The following ANKFN1 variants were observed in gnomAD, a reference collection of about 807,000 sequenced individuals.
The protein encoded by ANKFN1 is ankyrin repeat and fibronectin type-III domain-containing protein 1.
A neutral mutation model predicts 108.7 loss-of-function variants in ANKFN1; 74 were observed. The ratio of observed to expected loss-of-function variants is 0.68; its 90% CI spans 0.56 to 0.83. The LOEUF is 0.83. Among genes scored for constraint, ANKFN1 ranks in the 40% least tolerant of loss-of-function variants. The probability of loss-of-function intolerance (pLI) is 0.00; values close to 1 mark genes in which losing one functional copy is unlikely to be tolerated. For synonymous variants in ANKFN1, 547 were observed against 516.2 expected (o/e 1.06, Z -0.81); for missense variants, 1,505 against 1,382.3 (o/e 1.09, Z -1.41).
At chr17:56,079,604 ACATTGT>A (rs1395586798) in intron 4 of ANKFN1, among the ~76,000 whole-genome samples, 4 of 152,368 alleles carry the variant, frequency 2.6e-5, no homozygotes, top group Non-Finnish European at 5.9e-5. Flanking sequence ...TGTAGATTAG[ACATTGT>A]CTAAGACTCT....
At chr17:56,449,246 A>C (rs1267911916) in intron 11 of ANKFN1, 60 bp downstream of exon 11, 1 of 1,344,002 alleles carries the variant, frequency 7.4e-7, no homozygotes. Context: ...CGGTAATTTT[A>C]GCAGTTTCCT....
At chr17:56,414,656 A>T (rs953821334) in intron 8 of ANKFN1, among the ~76,000 whole-genome samples, 1 of 152,224 alleles carries the variant, frequency 6.6e-6, no homozygotes, top group Non-Finnish European at 1.5e-5. Flanking sequence ...AGAATGAACG[A>T]CAAAAATCAT....
chr17:56,049,408 T>C (rs536283600), intron 4 of ANKFN1, among the ~76,000 whole-genome samples: 3 of 152,010 alleles, frequency 2.0e-5, no homozygotes, highest in Non-Finnish European at 4.4e-5. Context: ...TTTTTTATTA[T>C]ACTTTAAGTT....
At chr17:56,510,171 C>T (rs1202004269) in intron 20 of ANKFN1, among the ~76,000 whole-genome samples, 4 of 152,200 alleles carry the variant, frequency 2.6e-5, no homozygotes, top group African/African-American at 2.4e-5. Context: ...ATAATAAAAG[C>T]GTGTGTGGGA....
chr17:56,349,213 A>T (rs562375354), intron 4 of ANKFN1, among the ~76,000 whole-genome samples: 10 of 152,098 alleles, frequency 6.6e-5, no homozygotes, highest in Non-Finnish European at 1.2e-4. Context: ...AACAACACAT[A>T]CTGGGTCCTG....
intron 4 of ANKFN1, among the ~76,000 whole-genome samples, chr17:56,079,190 A>G (rs1464803062): frequency 6.6e-6 from 1 of 152,228 alleles, no homozygotes; most frequent in Non-Finnish European, 1.5e-5. Flanking sequence ...GCCCCCGAGG[A>G]GGCCTTTCAT....
intron 4 of ANKFN1, among the ~76,000 whole-genome samples, chr17:56,077,690 C>T (rs181937616): frequency 3.3e-5 from 5 of 152,294 alleles, no homozygotes; most frequent in East Asian, 1.9e-4. Context: ...TTCCTTTCAA[C>T]GTATGCCTTG....
At chr17:56,248,248 C>G (rs1317420565) in intron 3 of ANKFN1, among the ~76,000 whole-genome samples, 1 of 152,144 alleles carries the variant, frequency 6.6e-6, no homozygotes, top group Non-Finnish European at 1.5e-5. Context: ...CCCTTAGAGG[C>G]TCACCTCATG....
chr17:56,093,911 T>C (rs1357834925), intron 4 of ANKFN1, among the ~76,000 whole-genome samples: 1 of 151,308 alleles, frequency 6.6e-6, no homozygotes, highest in Non-Finnish European at 1.5e-5. Context: ...TGTAACCTTA[T>C]TTGGACATTA....
intron 18 of ANKFN1, 112 bp from the exon 19 acceptor site, chr17:56,492,075 C>T: frequency 1.6e-6 from 1 of 622,314 alleles, no homozygotes; most frequent in South Asian, 1.9e-5. Context: ...ATATTTTCCA[C>T]TGATAGGATT....
chr17:56,458,388 A>G (rs1335563534), intron 14 of ANKFN1, among the ~76,000 whole-genome samples: 2 of 152,112 alleles, frequency 1.3e-5, no homozygotes, highest in Non-Finnish European at 2.9e-5. Flanking sequence ...TAATGAGTAT[A>G]TGAAGATGGA....
chr17:56,290,365 A>G (rs1361372119), intron 3 of ANKFN1, among the ~76,000 whole-genome samples: 2 of 152,318 alleles, frequency 1.3e-5, no homozygotes, highest in South Asian at 4.1e-4. Context: ...TCCAGCTATG[A>G]AATAAGAATA....
At chr17:56,189,545 G>C (rs934388701) in intron 1 of ANKFN1, among the ~76,000 whole-genome samples, 1 of 152,184 alleles carries the variant, frequency 6.6e-6, no homozygotes, top group Non-Finnish European at 1.5e-5. Context: ...TCACTTTATA[G>C]CCAGTTGGTC....
chr17:56,503,147 T>C (rs201059825), intron 20 of ANKFN1, among the ~76,000 whole-genome samples: 1 of 141,792 alleles, frequency 7.1e-6, no homozygotes, highest in African/African-American at 2.6e-5. Flanking sequence ...TTTTTTTTTT[T>C]CCAATACTGC....
At chr17:56,415,027 GA>G (rs200299207) in intron 8 of ANKFN1, among the ~76,000 whole-genome samples, 8 of 148,156 alleles carry the variant, frequency 5.4e-5, no homozygotes, top group African/African-American at 1.2e-4. Context: ...CTCAAAAAAA[GA>G]AAAAAAAACC....
At position 56,279,699 on chromosome 17, in the gene ANKFN1, A is replaced by T. The variant is rs1004713955; in HGVS notation, c.54-46522A>T. On this transcript the variant is annotated intron_variant, in intron 3 of 20. Coordinates refer to ENST00000682825, the MANE Select transcript of ANKFN1 (RefSeq NM_001370326.1). The stretch of plus-strand genomic sequence containing the variant: ...CATTGTCTGCTGGCAGAAAAGTGAC[A>T]ACTATTAGGCTTGGGTTGGAAGCTG... Among the ~76,000 whole-genome samples, 9 of 152,318 alleles carry T rather than the reference A, an allele frequency of 5.9e-5. No individual in the cohort carries two copies. In the East Asian group the frequency reaches 1.7e-3, roughly 29 times the overall value.
chr17:56,470,290 T>C (rs147798177), intron 15 of ANKFN1, among the ~76,000 whole-genome samples: 1,553 of 152,344 alleles, frequency 0.01, 13 homozygotes, highest in Non-Finnish European at 0.018. Context: ...TTATATTCTT[T>C]TGGGTATATA....
intron 3 of ANKFN1, among the ~76,000 whole-genome samples, chr17:56,282,051 T>C (rs1335874436): frequency 6.6e-6 from 1 of 152,196 alleles, no homozygotes; most frequent in African/African-American, 2.4e-5. Context: ...TATTGGAGTC[T>C]TATTCATCAT....
intron 8 of ANKFN1, among the ~76,000 whole-genome samples, chr17:56,427,735 T>C (rs2048615510): frequency 6.6e-6 from 1 of 152,148 alleles, no homozygotes; most frequent in Non-Finnish European, 1.5e-5. Flanking sequence ...CAAAGAGACC[T>C]CAAAATGGCT....
Sources: allele counts gnomAD v4.1 joint callset (sites outside exome capture counted in the v4.1 genomes callset), GRCh38; gene constraint gnomAD v4.1.1; transcripts MANE v1.5; gene names NCBI Gene and HGNC (gene_info 2026-07-23, HGNC 2026-07-21).